The following PTPN14 variants were observed in gnomAD, a reference collection of about 807,000 sequenced individuals.
PTPN14 encodes the protein protein tyrosine phosphatase non-receptor type 14.
In PTPN14, 53 loss-of-function variants were observed where a neutral mutation model predicts 126.8. The ratio of observed to expected loss-of-function variants is 0.42; its 90% CI spans 0.34 to 0.53. The LOEUF is 0.53. Ranked by LOEUF, PTPN14 falls within the 20% of genes least tolerant of loss-of-function variation. The pLI is 0.08. For synonymous variants in PTPN14, 630 were observed against 599.3 expected, an observed-to-expected ratio of 1.05 and a Z score of -0.75; for missense variants, 1,257 against 1,552.9, an observed-to-expected ratio of 0.81 and a Z score of 3.20.
intron 7 of PTPN14, among the ~76,000 whole-genome samples, chr1:214,401,474 T>C (rs985116995): frequency 1.3e-5 from 2 of 152,238 alleles, no homozygotes; most frequent in African/African-American, 4.8e-5. Context: ...GACTGTCTTA[T>C]TGAACTATTC....
At chr1:214,477,894 CTGATT>C (rs1266882690) in intron 1 of PTPN14, among the ~76,000 whole-genome samples, 1 of 152,218 alleles carries the variant, frequency 6.6e-6, no homozygotes, top group African/African-American at 2.4e-5. Context: ...TTTTGCTCTT[CTGATT>C]TATGTTTCAG....
At chr1:214,505,576 A>C (rs1284517035) in intron 1 of PTPN14, among the ~76,000 whole-genome samples, 1 of 152,190 alleles carries the variant, frequency 6.6e-6, no homozygotes. Flanking sequence ...TACAAAGAAA[A>C]GAGCTCAGCC....
intron 1 of PTPN14, among the ~76,000 whole-genome samples, chr1:214,541,424 T>C (rs979499584): frequency 2.0e-5 from 3 of 152,164 alleles, no homozygotes; most frequent in Admixed American, 1.3e-4. Flanking sequence ...GCCCTGACTG[T>C]GTTCACACCT....
chr1:214,497,102 G>C (rs1002894422), intron 1 of PTPN14, among the ~76,000 whole-genome samples: 1 of 151,860 alleles, frequency 6.6e-6, no homozygotes, highest in South Asian at 2.1e-4. Flanking sequence ...CAGAAATTGA[G>C]CTCTATTGGG....
intron 17 of PTPN14, among the ~76,000 whole-genome samples, chr1:214,368,492 T>C (rs1183455450): frequency 1.3e-5 from 2 of 152,092 alleles, no homozygotes; most frequent in Admixed American, 6.5e-5. Flanking sequence ...TGAGCCACCA[T>C]GCCCGGCCTA....
At chr1:214,414,565 G>A in intron 4 of PTPN14, 64 bp downstream of exon 4, 1 of 1,399,866 alleles carries the variant, frequency 7.1e-7, no homozygotes, top group Non-Finnish European at 1.0e-6. Flanking sequence ...CACTCTGAGA[G>A]GCCAGCAACA....
chr1:214,410,538 G>T (rs145780746), intron 5 of PTPN14, among the ~76,000 whole-genome samples: 1 of 152,058 alleles, frequency 6.6e-6, no homozygotes, highest in Non-Finnish European at 1.5e-5. Flanking sequence ...TGATCCGGCC[G>T]CCTAGGCCTC....
chr1:214,402,140 G>A (rs558476766), intron 6 of PTPN14, among the ~76,000 whole-genome samples: 1 of 151,790 alleles, frequency 6.6e-6, no homozygotes, highest in South Asian at 2.1e-4. Context: ...TTTATCATGA[G>A]GATAATATTT....
intron 3 of PTPN14, among the ~76,000 whole-genome samples, chr1:214,437,718 T>C (rs1337166445): frequency 6.6e-6 from 1 of 152,176 alleles, no homozygotes; most frequent in African/African-American, 2.4e-5. Context: ...ACGCCATCTA[T>C]TCTCTAAATT....
At chr1:214,511,478 G>A (rs1021794756) in intron 1 of PTPN14, among the ~76,000 whole-genome samples, 8 of 141,998 alleles carry the variant, frequency 5.6e-5, no homozygotes, top group African/African-American at 1.9e-4. Flanking sequence ...TCACAGGATG[G>A]CCCTTATCAA....
chr1:214,418,498 G>A (rs1659474106), intron 3 of PTPN14, among the ~76,000 whole-genome samples: 1 of 152,204 alleles, frequency 6.6e-6, no homozygotes, highest in Admixed American at 6.5e-5. Context: ...ACCAGATCTG[G>A]GCATGAACAA....
At chr1:214,533,174 T>A (rs556552640) in intron 1 of PTPN14, 6 of 760,034 alleles carry the variant, frequency 7.9e-6, no homozygotes, top group South Asian at 7.4e-5. Context: ...CGCTACACCC[T>A]GCAGATGGAG....
chr1:214,386,977 C>A, intron 11 of PTPN14, 55 bp from the exon 12 acceptor site: 9 of 1,463,868 alleles, frequency 6.1e-6, no homozygotes, highest in Non-Finnish European at 8.5e-6. Context: ...CGGCTGGTGA[C>A]TCACACAGCC....
chr1:214,483,525 T>C, intron 1 of PTPN14: 1 of 640,308 alleles, frequency 1.6e-6, no homozygotes. Flanking sequence ...GTTTCTTCTT[T>C]GTAAAATATA....
At chr1:214,492,432 G>T (rs1661271230) in intron 1 of PTPN14, among the ~76,000 whole-genome samples, 1 of 152,140 alleles carries the variant, frequency 6.6e-6, no homozygotes, top group South Asian at 2.1e-4. Flanking sequence ...ATATAACACT[G>T]ATTTAATTTT....
At chr1:214,539,529 C>T (rs1655786838) in intron 1 of PTPN14, among the ~76,000 whole-genome samples, 1 of 152,206 alleles carries the variant, frequency 6.6e-6, no homozygotes, top group African/African-American at 2.4e-5. Context: ...TGTGCATTCT[C>T]TTTTATCATA....
At chr1:214,541,062 G>T (rs1655822895) in intron 1 of PTPN14, among the ~76,000 whole-genome samples, 1 of 151,918 alleles carries the variant, frequency 6.6e-6, no homozygotes, top group South Asian at 2.1e-4. Context: ...GTCTCCAAAG[G>T]TGTGAAAATA....
At chr1:214,532,229 A>G (rs1655567603) in intron 1 of PTPN14, 1 of 388,562 alleles carries the variant, frequency 2.6e-6, no homozygotes, top group Admixed American at 3.0e-5. Flanking sequence ...TTCTCCACCA[A>G]TTACTGGTCC....
intron 1 of PTPN14, among the ~76,000 whole-genome samples, chr1:214,525,354 A>G (rs1049732029): frequency 2.6e-5 from 4 of 152,214 alleles, no homozygotes; most frequent in Non-Finnish European, 5.9e-5. Flanking sequence ...TATCCAAACA[A>G]AATTAATTGT....
Sources: allele counts gnomAD v4.1 joint callset (sites outside exome capture counted in the v4.1 genomes callset), GRCh38; gene constraint gnomAD v4.1.1; transcripts MANE v1.5; gene names NCBI Gene and HGNC (gene_info 2026-07-23, HGNC 2026-07-21).